Variants in SLC15A5 observed in about 807,000 individuals in gnomAD.
SLC15A5 encodes the protein solute carrier family 15 member 5, also known as Peptide/histidine transporter ENSP00000340402.
In SLC15A5, 58 loss-of-function variants were observed where a neutral mutation model predicts 56.1. That is an observed-to-expected ratio of 1.03 (90% CI 0.84 to 1.29). The LOEUF (loss-of-function observed/expected upper bound fraction) is 1.29. Among genes scored for constraint, SLC15A5 ranks in the 50% most tolerant of loss-of-function variants. SLC15A5 has a pLI of 0.00. For synonymous variants in SLC15A5, 264 were observed against 250.5 expected (o/e 1.05, Z -0.51); for missense variants, 681 against 672.1 (o/e 1.01, Z -0.15).
rs151112043 is a variant in SLC15A5 at position 16,241,234 on chromosome 12, G to A, written c.976-1367C>T. Reference sequence around the variant, plus strand: ...AGGAATGGATCCTCCAAACTCGTATGGTACAAGAGCTGCATTAGGATCCCT... The same window carrying A: ...AGGAATGGATCCTCCAAACTCGTATAGTACAAGAGCTGCATTAGGATCCCT... On this transcript the variant is annotated intron_variant, in intron 4 of 8. Transcript: ENST00000344941. Among the ~76,000 whole-genome samples, 225 of 152,294 alleles carry A rather than the reference G, an allele frequency of 1.5e-3. 4 individuals are homozygous for A. The highest frequency in any genetic ancestry group is 4.6e-3 in the African/African-American group (191 of 41,556).
chr12:16,206,836 A>G (rs141359829), intron 7 of SLC15A5, among the ~76,000 whole-genome samples: 1 of 152,288 alleles, frequency 6.6e-6, no homozygotes, highest in Non-Finnish European at 1.5e-5. Flanking sequence ...GGAAATTGCT[A>G]GGCATTGTTC....
intron 1 of SLC15A5, 132 bp downstream of exon 1, chr12:16,277,193 T>C (rs2136832367): frequency 4.5e-6 from 4 of 887,892 alleles, no homozygotes; most frequent in Middle Eastern, 2.5e-4. Flanking sequence ...ATGAAATACA[T>C]TGAACCCACA....
intron 6 of SLC15A5, among the ~76,000 whole-genome samples, chr12:16,221,053 G>T (rs1591646326): frequency 1.3e-5 from 2 of 152,148 alleles, no homozygotes; most frequent in East Asian, 1.9e-4. Context: ...TTTATGGAGT[G>T]ATTCACTGTG....
chr12:16,242,644 A>T (rs1405427833), intron 4 of SLC15A5, among the ~76,000 whole-genome samples: 1 of 152,364 alleles, frequency 6.6e-6, no homozygotes, highest in East Asian at 1.9e-4. Context: ...TTGCACATCT[A>T]GATTTGGTGA....
At chr12:16,227,139 A>T (rs1410465415) in intron 5 of SLC15A5, among the ~76,000 whole-genome samples, 1 of 152,156 alleles carries the variant, frequency 6.6e-6, no homozygotes, top group East Asian at 1.9e-4. Context: ...TCAGTTTAAA[A>T]ATTTGAGGAA....
intron 7 of SLC15A5, among the ~76,000 whole-genome samples, chr12:16,198,094 C>A (rs1863913116): frequency 6.6e-6 from 1 of 152,028 alleles, no homozygotes; most frequent in East Asian, 1.9e-4. Context: ...CACAGTGCAC[C>A]CTAGTTAATA....
chr12:16,190,440 G>A (rs907903896), intron 8 of SLC15A5, among the ~76,000 whole-genome samples: 2 of 152,130 alleles, frequency 1.3e-5, no homozygotes, highest in Non-Finnish European at 2.9e-5. Flanking sequence ...TCTGAATCCT[G>A]GCGCTTTTCC....
chr12:16,194,330 C>T lies in SLC15A5; in HGVS notation c.1592+15G>A. 3 of 1,497,088 alleles carry T rather than the reference C, an allele frequency of 2.0e-6. No homozygotes were observed. The highest frequency in any genetic ancestry group is 2.0e-5 in the Admixed American group (1 of 49,626). 92.7% of individuals were successfully genotyped at this position (1,497,088 alleles called of 1,614,324 possible). On this transcript the variant is annotated intron_variant, in intron 8 of 8. Transcript: ENST00000344941. Reference sequence around the variant, plus strand: ...TGGACTCAGAAATTTTTCATCTTACCACACACTTACTTACCTTTGTGAAAC... The same window carrying T: ...TGGACTCAGAAATTTTTCATCTTACTACACACTTACTTACCTTTGTGAAAC...
At chr12:16,199,103 C>T (rs1863924453) in intron 7 of SLC15A5, among the ~76,000 whole-genome samples, 1 of 151,934 alleles carries the variant, frequency 6.6e-6, no homozygotes, top group South Asian at 2.1e-4. Context: ...TCAAAGCAAC[C>T]AATCACATTT....
At chr12:16,246,045 A>T (rs748057818) in intron 3 of SLC15A5, among the ~76,000 whole-genome samples, 3 of 152,176 alleles carry the variant, frequency 2.0e-5, no homozygotes, top group Admixed American at 6.6e-5. Context: ...TTTCACCTCT[A>T]AGTCACTGAA....
At position 16,271,239 on chromosome 12, in the gene SLC15A5, T is replaced by G. The variant is rs1491002404; in HGVS notation, c.584+1322A>C. Among the ~76,000 whole-genome samples the G allele has an allele frequency of 6.6e-6, 1 of 152,152 alleles. No individual in the cohort carries two copies. The highest frequency in any genetic ancestry group is 2.4e-5 in the African/African-American group (1 of 41,436). ...TGTAATCAACACTGAGAAATGTCAC[T>G]TTGATTAAACACAACTCTGAATGAC... is the stretch of plus-strand genomic sequence containing the variant. On this transcript the variant is annotated intron_variant, in intron 2 of 8. Coordinates refer to ENST00000344941, the MANE Select transcript of SLC15A5 (RefSeq NM_001170798.1). This position sits in a 1 kb window ranked among gnomAD's most constrained non-coding sequence, Gnocchi z 8.0.
intron 7 of SLC15A5, among the ~76,000 whole-genome samples, chr12:16,210,058 T>C (rs2136243638): frequency 6.6e-6 from 1 of 152,338 alleles, no homozygotes; most frequent in African/African-American, 2.4e-5. Flanking sequence ...TCCTCCTTTT[T>C]TGAATATTTT....
At chr12:16,274,689 G>A (rs905699580) in intron 1 of SLC15A5, among the ~76,000 whole-genome samples, 1 of 152,062 alleles carries the variant, frequency 6.6e-6, no homozygotes, top group Non-Finnish European at 1.5e-5. Context: ...CTTCTCTTCT[G>A]TAGGTGTGAC....
intron 5 of SLC15A5, among the ~76,000 whole-genome samples, chr12:16,234,291 A>G (rs183244997): frequency 6.6e-6 from 1 of 152,320 alleles, no homozygotes; most frequent in Admixed American, 6.5e-5. Flanking sequence ...TACTGGGGAT[A>G]AATTTCAACA....
At chr12:16,264,399 T>C (rs892413411) in intron 2 of SLC15A5, among the ~76,000 whole-genome samples, 17 of 152,352 alleles carry the variant, frequency 1.1e-4, no homozygotes, top group African/African-American at 4.1e-4. Context: ...ATCTAGGAAG[T>C]AACTAAATTG....
chr12:16,272,908 G>A (rs1565676811), intron 1 of SLC15A5, 125 bp from the exon 2 acceptor site: 1 of 836,464 alleles, frequency 1.2e-6, no homozygotes, highest in South Asian at 1.7e-5. Flanking sequence ...AAACATTTAT[G>A]GTAGTCATTG....
chr12:16,198,630 G>A (rs1299154362), intron 7 of SLC15A5, among the ~76,000 whole-genome samples: 1 of 152,052 alleles, frequency 6.6e-6, no homozygotes, highest in South Asian at 2.1e-4. Flanking sequence ...CTGGATTTCA[G>A]TCTTTGAAAT....
chr12:16,195,844 G>A (rs1357854522), intron 7 of SLC15A5, among the ~76,000 whole-genome samples: 1 of 152,086 alleles, frequency 6.6e-6, no homozygotes, highest in East Asian at 1.9e-4. Flanking sequence ...CCCATTTAAA[G>A]CTGTTTGTCT....
intron 3 of SLC15A5, among the ~76,000 whole-genome samples, chr12:16,249,903 C>T (rs980560527): frequency 6.6e-6 from 1 of 151,980 alleles, no homozygotes; most frequent in Admixed American, 6.6e-5. Context: ...ATATACTTTA[C>T]ATTTTCTTCT....
Sources: allele counts gnomAD v4.1 joint callset (sites outside exome capture counted in the v4.1 genomes callset), GRCh38; gene constraint gnomAD v4.1.1; non-coding constraint Gnocchi (gnomAD v3.1); transcripts MANE v1.5; gene names NCBI Gene and HGNC (gene_info 2026-07-23, HGNC 2026-07-21).